RCAN2: variants seen among roughly 807,000 people sequenced by gnomAD.
RCAN2 encodes the protein calcipressin-2.
In RCAN2, 9 loss-of-function variants were observed where a neutral mutation model predicts 23.6. The observed-to-expected ratio is 0.38, with a 90% CI of 0.23 to 0.67. The LOEUF is 0.67. Ranked by LOEUF, RCAN2 falls within the 30% of genes least tolerant of loss-of-function variation. RCAN2 has a pLI of 0.51. For synonymous variants in RCAN2, 109 were observed against 115.7 expected, an observed-to-expected ratio of 0.94 and a Z score of 0.37; for missense variants, 273 against 302.3, an observed-to-expected ratio of 0.90 and a Z score of 0.72.
At chr6:46,307,424 G>C (rs1328359975) in intron 2 of RCAN2, among the ~76,000 whole-genome samples, 1 of 152,128 alleles carries the variant, frequency 6.6e-6, no homozygotes, top group Non-Finnish European at 1.5e-5. Context: ...GTATGTAGCT[G>C]AAGAGTGTAT....
At chr6:46,298,111 G>A (rs963031214) in intron 2 of RCAN2, among the ~76,000 whole-genome samples, 3 of 151,904 alleles carry the variant, frequency 2.0e-5, no homozygotes, top group Non-Finnish European at 4.4e-5. Context: ...CTATTGCTTA[G>A]TGACAAAGTG....
intron 2 of RCAN2, among the ~76,000 whole-genome samples, chr6:46,331,217 C>A (rs573921286): frequency 2.0e-5 from 3 of 152,120 alleles, no homozygotes; most frequent in Admixed American, 6.5e-5. Flanking sequence ...AGATATGTTG[C>A]CCAGGCTGGT....
chr6:46,381,848 G>A (rs940377571), intron 2 of RCAN2, among the ~76,000 whole-genome samples: 1 of 152,118 alleles, frequency 6.6e-6, no homozygotes, highest in African/African-American at 2.4e-5. Flanking sequence ...AGGTCTTCAA[G>A]GGCTTCTGGC....
In RCAN2 at chr6:46,303,791, A is replaced by G. The variant is rs1762983616; in HGVS notation, c.226-54895T>C. Reference sequence around the variant, plus strand: ...GTTTTCTTTTACTCTACATTTTGAGAGTGAAATTGTGAGAGTCATCCATCC... The same window carrying G: ...GTTTTCTTTTACTCTACATTTTGAGGGTGAAATTGTGAGAGTCATCCATCC... On this transcript the variant is annotated intron_variant, in intron 2 of 4. Transcript: ENST00000371374. Among the ~76,000 whole-genome samples the G allele has an allele frequency of 3.9e-5, 6 of 152,106 alleles. No homozygotes were observed. In the South Asian group the frequency reaches 1.2e-3, roughly 31 times the overall value.
At chr6:46,412,305 T>C (rs1030594344) in intron 2 of RCAN2, among the ~76,000 whole-genome samples, 18 of 152,272 alleles carry the variant, frequency 1.2e-4, no homozygotes, top group African/African-American at 4.1e-4. Context: ...CTAGAGTCTG[T>C]TTTGTCCTTA....
intron 2 of RCAN2, among the ~76,000 whole-genome samples, chr6:46,329,714 G>C (rs1192123938): frequency 6.6e-6 from 1 of 152,168 alleles, no homozygotes; most frequent in Non-Finnish European, 1.5e-5. Flanking sequence ...CTCTGTTCAG[G>C]AGTGTCCTTT....
At chr6:46,386,516 G>A (rs1169447686) in intron 2 of RCAN2, among the ~76,000 whole-genome samples, 3 of 148,206 alleles carry the variant, frequency 2.0e-5, no homozygotes, top group Non-Finnish European at 3.0e-5. Context: ...GCTGAGGCAG[G>A]AGAATTGCTT....
intron 2 of RCAN2, among the ~76,000 whole-genome samples, chr6:46,260,025 G>A (rs2150325302): frequency 6.6e-6 from 1 of 152,282 alleles, no homozygotes; most frequent in Middle Eastern, 3.4e-3. Context: ...TGTCCTTTGG[G>A]TTTTTATGAA....
At chr6:46,263,495 ATGTG>A (rs1404616117) in intron 2 of RCAN2, among the ~76,000 whole-genome samples, 1 of 69,788 alleles carries the variant, frequency 1.4e-5, no homozygotes, top group Non-Finnish European at 3.2e-5. Context: ...GTGTGTGTGT[ATGTG>A]TGTATGTGTG....
At chr6:46,443,512 A>C (rs971662618) in intron 2 of RCAN2, among the ~76,000 whole-genome samples, 17 of 152,002 alleles carry the variant, frequency 1.1e-4, no homozygotes, top group Admixed American at 1.0e-3. Context: ...TATTGCTTTT[A>C]TTGCTACTCT....
intron 2 of RCAN2, among the ~76,000 whole-genome samples, chr6:46,368,559 G>T (rs576643607): frequency 2.6e-4 from 39 of 152,056 alleles, no homozygotes; most frequent in Non-Finnish European, 5.3e-4. Context: ...AAGCTATATG[G>T]TATAGCTTAT....
At chr6:46,375,272 A>G (rs1765427434) in intron 2 of RCAN2, among the ~76,000 whole-genome samples, 1 of 152,202 alleles carries the variant, frequency 6.6e-6, no homozygotes, top group South Asian at 2.1e-4. Context: ...TCAATTCATG[A>G]GGTTCCATAA....
At chr6:46,314,362 A>C (rs1433716437) in intron 2 of RCAN2, among the ~76,000 whole-genome samples, 1 of 17,164 alleles carries the variant, frequency 5.8e-5, no homozygotes, top group Non-Finnish European at 3.4e-4. Flanking sequence ...ACTCTGTCAA[A>C]AAAAAAAAAA....
intron 2 of RCAN2, among the ~76,000 whole-genome samples, chr6:46,280,024 T>C (rs1441741238): frequency 1.3e-5 from 2 of 152,206 alleles, no homozygotes; most frequent in Non-Finnish European, 2.9e-5. Flanking sequence ...TTCAGAGTCT[T>C]GGTCAAGATC....
chr6:46,258,864 C>A (rs1031275590), intron 2 of RCAN2, among the ~76,000 whole-genome samples: 1 of 152,102 alleles, frequency 6.6e-6, no homozygotes, highest in Middle Eastern at 3.4e-3. Context: ...ACAAAATAAC[C>A]CAAACACCTC....
chr6:46,261,330 C>T (rs946168862), intron 2 of RCAN2, among the ~76,000 whole-genome samples: 6 of 152,102 alleles, frequency 3.9e-5, no homozygotes, highest in Admixed American at 1.3e-4. Flanking sequence ...AATGCTGGTC[C>T]CAGCTGTGCA....
At chr6:46,263,539 A>ATGTGTGTGTGTGTGTGTGTGTGTG (rs59953064) in intron 2 of RCAN2, among the ~76,000 whole-genome samples, 5 of 82,374 alleles carry the variant, frequency 6.1e-5, no homozygotes, top group Non-Finnish European at 1.2e-4. Context: ...GTGTGTGTGT[A>ATGTGTGTGTGTGTGTGTGTGTGTG]TGTGTGTGTG....
chr6:46,431,751 A>G (rs1293490497), intron 2 of RCAN2, among the ~76,000 whole-genome samples: 1 of 152,258 alleles, frequency 6.6e-6, no homozygotes, highest in Non-Finnish European at 1.5e-5. Context: ...GAAAGAAAAA[A>G]ATCATGCTCT....
At chr6:46,412,108 A>G (rs1766566321) in intron 2 of RCAN2, among the ~76,000 whole-genome samples, 2 of 152,192 alleles carry the variant, frequency 1.3e-5, no homozygotes, top group Admixed American at 1.3e-4. Flanking sequence ...AGTGGTGGAG[A>G]CAGGGTGAAG....
Sources: gnomAD v4.1 joint callset for allele counts (sites outside exome capture counted in the v4.1 genomes callset) on GRCh38, gnomAD v4.1.1 for gene constraint, MANE v1.5 for transcripts, NCBI Gene and HGNC (gene_info 2026-07-23, HGNC 2026-07-21) for gene names.